The following SETX variants were observed in gnomAD, a reference collection of about 807,000 sequenced individuals.
SETX encodes the protein senataxin, also known as helicase senataxin.
A neutral mutation model predicts 227.2 loss-of-function variants in SETX; 90 were observed. The observed-to-expected ratio is 0.40, with a 90% CI of 0.33 to 0.47. The LOEUF (loss-of-function observed/expected upper bound fraction) is 0.47, where lower values mean the gene tolerates loss of function less well. Ranked by LOEUF, SETX falls within the 20% of genes least tolerant of loss-of-function variation. The pLI is 0.91. For missense variants in SETX, 3,052 were observed against 3,181.5 expected, an observed-to-expected ratio of 0.96 and a Z score of 0.98; for synonymous variants, 1,210 against 1,113.2, an observed-to-expected ratio of 1.09 and a Z score of -1.73.
At chr9:132,266,381 T>G (rs1842652761) in intron 25 of SETX, 1 of 152,258 alleles carries the variant, frequency 6.6e-6, no homozygotes, top group African/African-American at 2.4e-5. Context: ...GAGGCAATTA[T>G]AACCCTTAGA....
chr9:132,337,564 CAAAA>C (rs1847704894), intron 5 of SETX, among the ~76,000 whole-genome samples: 2 of 152,034 alleles, frequency 1.3e-5, no homozygotes, highest in African/African-American at 4.8e-5. Flanking sequence ...AGATTGTAAT[CAAAA>C]AGTTGGAAAA....
At chr9:132,285,499 C>T (rs1843804713) in intron 18 of SETX, among the ~76,000 whole-genome samples, 2 of 152,106 alleles carry the variant, frequency 1.3e-5, no homozygotes, top group Admixed American at 1.3e-4. Context: ...GTAATGCCAA[C>T]ACTTTGGGAG....
chr9:132,350,901 G>A (rs1350068567), intron 2 of SETX, among the ~76,000 whole-genome samples: 4 of 152,108 alleles, frequency 2.6e-5, no homozygotes, highest in Admixed American at 6.6e-5. Flanking sequence ...TCTCATCGAC[G>A]TGGGGGGGAA....
chr9:132,315,223 T>C (rs910001308), intron 10 of SETX, among the ~76,000 whole-genome samples: 1 of 152,138 alleles, frequency 6.6e-6, no homozygotes, highest in Non-Finnish European at 1.5e-5. Context: ...GGCCAAAATA[T>C]TACATTATTA....
intron 3 of SETX, among the ~76,000 whole-genome samples, chr9:132,347,804 T>C (rs1049651339): frequency 6.6e-6 from 1 of 152,104 alleles, no homozygotes; most frequent in African/African-American, 2.4e-5. Context: ...GCTGGATAGC[T>C]TCATAATTAG....
At position 132,329,691 on chromosome 9, in the gene SETX, T is replaced by C. The variant is rs1246047648; in HGVS notation, c.1907A>G (p.His636Arg). 1.2e-6 allele frequency: 2 copies of C among 1,614,100 alleles called. No homozygotes were observed. Among genetic ancestry groups the C allele is most frequent in the Non-Finnish European group, 1.7e-6 (2 of 1,180,002 alleles). ...QMGKTSRKDM[H>R]CLEASSPTFS... ...TGTTGGGCTGGAAGCTTCCAAACAA[T>C]GCATATCTTTTCTAGACGTCTTCCC... Residue 636 changes from histidine to arginine, a missense_variant, in exon 10 of 26, where the codon CAT becomes CGT. By Grantham distance (29) the His-to-Arg change is conservative (BLOSUM62 0). Around this residue, in one of 10 missense-constraint regions of SETX, gnomAD observed 1,483 missense variants for 1,312.0 expected, o/e 1.13. Transcript: ENST00000224140.
chr9:132,267,395 C>T (rs1016161512), intron 25 of SETX, among the ~76,000 whole-genome samples: 2 of 152,214 alleles, frequency 1.3e-5, no homozygotes, highest in Non-Finnish European at 2.9e-5. Flanking sequence ...TTCACTACAC[C>T]TAAACTTGGT....
At chr9:132,305,859 T>G (rs1845304949) in intron 11 of SETX, among the ~76,000 whole-genome samples, 1 of 152,180 alleles carries the variant, frequency 6.6e-6, no homozygotes, top group Admixed American at 6.5e-5. Context: ...AGTGGTATAA[T>G]ATGAATAAGG....
chr9:132,341,900 A>G (rs755538438), intron 5 of SETX, among the ~76,000 whole-genome samples: 2 of 152,152 alleles, frequency 1.3e-5, no homozygotes, highest in African/African-American at 2.4e-5. Context: ...GTCCACAGAA[A>G]TAAGTTTTCC....
At chr9:132,276,257 C>T (rs1442813091) in intron 22 of SETX, among the ~76,000 whole-genome samples, 2 of 152,220 alleles carry the variant, frequency 1.3e-5, no homozygotes, top group African/African-American at 4.8e-5. Context: ...CGGCTTAACT[C>T]GCAATCCTCT....
rs1432738042 is a variant in SETX at position 132,336,414 on chromosome 9, A to G, written c.600T>C (p.Ile200=). 2.5e-6 allele frequency: 4 copies of G among 1,613,792 alleles called. No individual in the cohort carries two copies. The African/African-American group carries it at 5.3e-5, about 22-fold the overall frequency. The change falls in exon 6 of 26, where the codon ATT becomes ATC. Residue 200 remains isoleucine, a synonymous_variant. Transcript: ENST00000224140. ...QEVLLCLFKV[I]ELGLLESPDI... ...CTGGACTCTCTAAAAGCCCCAACTC[A>G]ATGACTTTAAAAAGGCAAAGTAAAA...
Position 132,328,805 on chromosome 9 carries a change from G to A in SETX, c.2793C>T (p.Thr931=). The A allele has an allele frequency of 6.2e-7, 1 of 1,611,684 alleles. No individual in the cohort carries two copies. Among genetic ancestry groups the A allele is most frequent in the South Asian group, 1.1e-5 (1 of 90,516 alleles). Residue 931 remains threonine (T), a synonymous_variant, in exon 10 of 26, where the codon ACC becomes ACT. Coordinates refer to ENST00000224140, the MANE Select transcript of SETX (RefSeq NM_015046.7). ...TTGTCAAGTTAGAATAAATCACACT[G>A]GTACTATTACTCATCTCCTCATCTC... ...ESRDEEMSNS[T]SVIYSNLTRE...
chr9:132,312,501 T>C (rs1030932313), intron 10 of SETX, among the ~76,000 whole-genome samples: 1 of 152,228 alleles, frequency 6.6e-6, no homozygotes, highest in Admixed American at 6.5e-5. Context: ...TAAGGAGGGT[T>C]TTGTCTAAAT....
At chr9:132,302,725 C>T (rs1733214768) in intron 11 of SETX, among the ~76,000 whole-genome samples, 1 of 99,672 alleles carries the variant, frequency 1.0e-5, no homozygotes, top group East Asian at 2.7e-4. Context: ...TAAATGTTGA[C>T]AAGTTGATTC....
At chr9:132,332,561 G>A (rs1311361808) in intron 7 of SETX, among the ~76,000 whole-genome samples, 2 of 152,116 alleles carry the variant, frequency 1.3e-5, no homozygotes, top group Non-Finnish European at 2.9e-5. Context: ...TGTCTAATAA[G>A]CTCACAAGAA....
At chr9:132,295,348 T>C (rs1844607301) in intron 15 of SETX, among the ~76,000 whole-genome samples, 1 of 152,220 alleles carries the variant, frequency 6.6e-6, no homozygotes, top group Admixed American at 6.5e-5. Flanking sequence ...AAACAATGAC[T>C]GTTTTCACTG....
intron 24 of SETX, among the ~76,000 whole-genome samples, chr9:132,270,157 C>G (rs1244954282): frequency 3.5e-5 from 4 of 113,192 alleles, no homozygotes; most frequent in African/African-American, 7.2e-5. Context: ...GACTCAGCAT[C>G]CTCATGTGAG....
intron 15 of SETX, among the ~76,000 whole-genome samples, chr9:132,291,092 A>AT (rs1008613089): frequency 2.9e-5 from 4 of 135,994 alleles, no homozygotes; most frequent in Admixed American, 7.5e-5. Flanking sequence ...TCTACAGCAT[A>AT]TTTTTTATCC....
At chr9:132,345,868 A>C (rs1393651973) in intron 4 of SETX, among the ~76,000 whole-genome samples, 4 of 152,014 alleles carry the variant, frequency 2.6e-5, no homozygotes, top group African/African-American at 9.7e-5. Flanking sequence ...CACAACATAA[A>C]ATTAGCTGGA....
Sources: allele counts gnomAD v4.1 joint callset (sites outside exome capture counted in the v4.1 genomes callset), GRCh38; gene constraint gnomAD v4.1.1; regional missense constraint gnomAD v4.1.1; transcripts MANE v1.5; gene names NCBI Gene and HGNC (gene_info 2026-07-23, HGNC 2026-07-21).